TRA2A: variants seen among roughly 807,000 people sequenced by gnomAD.
TRA2A encodes transformer-2 protein homolog alpha.
In TRA2A, 31 loss-of-function variants were observed where a neutral mutation model predicts 45.7. The observed-to-expected ratio is 0.68, with a 90% CI of 0.51 to 0.92. TRA2A has a LOEUF of 0.92. Ranked by LOEUF, TRA2A falls within the 40% of genes least tolerant of loss-of-function variation. The probability of loss-of-function intolerance (pLI) is 0.00; values close to 1 mark genes in which losing one functional copy is unlikely to be tolerated. For missense variants in TRA2A, 304 were observed against 367.5 expected, an observed-to-expected ratio of 0.83 and a Z score of 1.41; for synonymous variants, 132 against 126.2, an observed-to-expected ratio of 1.05 and a Z score of -0.31.
intron 4 of TRA2A, among the ~76,000 whole-genome samples, chr7:23,510,649 G>T (rs1179397640): frequency 1.3e-5 from 2 of 152,052 alleles, no homozygotes. Context: ...GTTTTATCCA[G>T]AAGTGGAAGG....
chr7:23,506,047 C>G (rs575391774), intron 6 of TRA2A, 91 bp downstream of exon 6: 4 of 1,165,750 alleles, frequency 3.4e-6, no homozygotes, highest in East Asian at 2.4e-5. Context: ...TTTTAAAAAT[C>G]AAGTTTTTAT....
intron 1 of TRA2A, chr7:23,522,516 T>C (rs1279995739): frequency 5.0e-6 from 2 of 397,506 alleles, no homozygotes; most frequent in East Asian, 1.8e-4. Flanking sequence ...ATCTACCAAA[T>C]GGAAAAGCCA....
chr7:23,526,053 A>G (rs533519461), intron 1 of TRA2A, among the ~76,000 whole-genome samples: 1 of 152,352 alleles, frequency 6.6e-6, no homozygotes, highest in East Asian at 1.9e-4. Flanking sequence ...GTTAAAATAG[A>G]GTTGTATTTT....
At chr7:23,522,095 TAC>T in intron 1 of TRA2A, 1 of 1,318,618 alleles carries the variant, frequency 7.6e-7, no homozygotes. Context: ...AACTTGATCA[TAC>T]AGACACTGGA....
At chr7:23,525,877 T>C (rs1352317791) in intron 1 of TRA2A, among the ~76,000 whole-genome samples, 1 of 152,228 alleles carries the variant, frequency 6.6e-6, no homozygotes, top group Non-Finnish European at 1.5e-5. Flanking sequence ...ATTACAGGCA[T>C]GAGCCACTGC....
In TRA2A at chr7:23,505,185, G is replaced by A. The variant is rs1263312128; in HGVS notation, c.*374C>T. On this transcript the variant is annotated 3_prime_UTR_variant, in exon 8 of 8. Transcript: ENST00000297071. ...AAGTTAAAAAAAAAAAGGAACTCAT[G>A]ATAAATGCAGATCTCTAATACAGTA... 1 of 193,790 alleles carries A rather than the reference G, an allele frequency of 5.2e-6. No homozygotes were observed. The highest frequency in any genetic ancestry group is 1.0e-5 in the Non-Finnish European group (1 of 96,610). The allele number at this position is 193,790 out of a possible 1,614,324, so 12.0% of individuals were successfully genotyped here.
rs373437790 is a variant in TRA2A, at chr7:23,521,715, T to G, written c.162A>C (p.Ser54=). 1 of 1,614,040 alleles carries G rather than the reference T, an allele frequency of 6.2e-7. No homozygotes were observed. Among genetic ancestry groups the G allele is most frequent in the Non-Finnish European group, 8.5e-7 (1 of 1,179,996 alleles). Residue 54 remains serine (S), a synonymous_variant, in exon 2 of 8, where the codon TCA becomes TCC. Transcript: ENST00000297071. ...KHSESHSRSR[S]KSRSRSRRHS... ...ATCTTAAACACACTTACCTGGATTT[T>G]GATCTTGATCGAGAATGGGATTCAG...
chr7:23,530,985 TA>T (rs1401987403), intron 1 of TRA2A, among the ~76,000 whole-genome samples: 3 of 151,966 alleles, frequency 2.0e-5, no homozygotes, highest in Non-Finnish European at 4.4e-5. Context: ...AGAAGAGCAT[TA>T]AAAGTTGAGA....
rs573398273 is a variant in TRA2A at position 23,508,867 on chromosome 7, T to C, written c.526-1332A>G. On this transcript the variant is annotated intron_variant, in intron 4 of 7. Coordinates refer to ENST00000297071, the MANE Select transcript of TRA2A (RefSeq NM_013293.5). ...TCTTAACTCGTGGCCTCAAGTGGCC[T>C]TCCCACCTCAGCCTCCCAAATAGCA... is the stretch of plus-strand genomic sequence containing the variant. Among the ~76,000 whole-genome samples the C allele has an allele frequency of 1.2e-3, 182 of 152,080 alleles. 5 individuals carry two copies. In the South Asian group the frequency reaches 0.037, roughly 31 times the overall value.
At chr7:23,521,602 A>G in intron 2 of TRA2A, 105 bp downstream of exon 2, 1 of 1,317,978 alleles carries the variant, frequency 7.6e-7, no homozygotes, top group Non-Finnish European at 1.1e-6. Context: ...GAAAAACTAT[A>G]ATTTTGAGTC....
intron 1 of TRA2A, among the ~76,000 whole-genome samples, chr7:23,528,760 C>A (rs183004506): frequency 6.6e-6 from 1 of 151,836 alleles, no homozygotes; most frequent in Non-Finnish European, 1.5e-5. Flanking sequence ...CTCTGCCTCC[C>A]GGGTTTAAGC....
At position 23,505,576 on chromosome 7, in the gene TRA2A, GAGAAAAAGCAAAAAAAAAAA is replaced by G; in HGVS notation, c.839-27_839-8del. The stretch of plus-strand genomic sequence containing the variant: ...TTCCGTTATCAATAGCGTCCTAAAA[GAGAAAAAGCAAAAAAAAAAA>G]AAAAAAAAAAAAGTTAACAATTATA... On this transcript the variant is annotated splice_polypyrimidine_tract_variant and splice_region_variant and intron_variant, in intron 7 of 7. Coordinates refer to ENST00000297071, the MANE Select transcript of TRA2A (RefSeq NM_013293.5). The G allele has an allele frequency of 3.9e-6, 1 of 256,726 alleles. No individual in the cohort carries two copies. The highest frequency in any genetic ancestry group is 6.4e-6 in the Non-Finnish European group (1 of 156,550). 15.9% of individuals were successfully genotyped at this position (256,726 alleles called of 1,614,324 possible).
intron 2 of TRA2A, among the ~76,000 whole-genome samples, chr7:23,517,242 T>A (rs959173374): frequency 2.7e-5 from 4 of 148,860 alleles, no homozygotes; most frequent in African/African-American, 9.9e-5. Context: ...CAGCAACTTG[T>A]GAGGCCGAGG....
Position 23,505,341 on chromosome 7 carries a change from ATG to A in TRA2A, c.*216_*217del, listed in dbSNP as rs1789264727. 1 of 420,670 alleles carries A rather than the reference ATG, an allele frequency of 2.4e-6. No individual in the cohort carries two copies. 26.1% of individuals were successfully genotyped at this position (420,670 alleles called of 1,614,324 possible). On this transcript the variant is annotated 3_prime_UTR_variant, in exon 8 of 8. Coordinates refer to ENST00000297071, the MANE Select transcript of TRA2A (RefSeq NM_013293.5). ...CATTGGGGTTCTTTTTATACTCAAG[ATG>A]TTTAACTGTTCAAAATGACAACAAT...
chr7:23,531,331 C>G (rs1790573254), intron 1 of TRA2A: 3 of 852,556 alleles, frequency 3.5e-6, no homozygotes, highest in Non-Finnish European at 4.3e-6. Flanking sequence ...TTCTCCCCGC[C>G]CGGAAAGCAG....
chr7:23,518,694 C>T (rs1235438916), intron 2 of TRA2A, among the ~76,000 whole-genome samples: 16 of 147,426 alleles, frequency 1.1e-4, no homozygotes, highest in African/African-American at 4.0e-4. Flanking sequence ...TTTTTTTCCC[C>T]CTTCTTGAGA....
At chr7:23,527,212 C>T (rs1034581820) in intron 1 of TRA2A, among the ~76,000 whole-genome samples, 4 of 152,072 alleles carry the variant, frequency 2.6e-5, no homozygotes, top group African/African-American at 9.7e-5. Flanking sequence ...AACTTTTCTT[C>T]TACATATCAG....
In TRA2A at chr7:23,531,880, A is replaced by G. The variant is rs11545884; in HGVS notation, c.-56T>C. 1 of 1,595,970 alleles carries G rather than the reference A, an allele frequency of 6.3e-7. No individual in the cohort carries two copies. The highest frequency in any genetic ancestry group is 8.6e-7 in the Non-Finnish European group (1 of 1,166,616). ...GAGACAAGTCTCGGCTCGAGGGCCGATGGCCTAATTAACCCGCTGACTGGA... is the reference window on the plus strand; with the variant it reads ...GAGACAAGTCTCGGCTCGAGGGCCGGTGGCCTAATTAACCCGCTGACTGGA... On this transcript the variant is annotated 5_prime_UTR_variant, in exon 1 of 8. Transcript: ENST00000297071.
intron 2 of TRA2A, among the ~76,000 whole-genome samples, chr7:23,520,331 T>C (rs766040111): frequency 9.9e-5 from 15 of 152,226 alleles, no homozygotes; most frequent in Non-Finnish European, 1.8e-4. Flanking sequence ...TGAATAACAA[T>C]GTTCTCAGGT....
Sources: allele counts gnomAD v4.1 joint callset (sites outside exome capture counted in the v4.1 genomes callset), GRCh38; gene constraint gnomAD v4.1.1; transcripts MANE v1.5; gene names NCBI Gene and HGNC (gene_info 2026-07-23, HGNC 2026-07-21).